CDH26: variants seen among roughly 807,000 people sequenced by gnomAD.
CDH26 encodes cadherin 26.
CDH26 carries 83 observed loss-of-function variants against 90.3 expected under a neutral mutation model. The ratio of observed to expected loss-of-function variants is 0.92; its 90% CI spans 0.77 to 1.10. The LOEUF (loss-of-function observed/expected upper bound fraction) is 1.10. Among genes scored for constraint, CDH26 ranks in the 50% least tolerant of loss-of-function variants. The pLI, the probability that CDH26 is intolerant of heterozygous loss-of-function variation, is 0.00. For missense variants in CDH26, 1,013 were observed against 1,037.6 expected (o/e 0.98, Z 0.33); for synonymous variants, 397 against 396.3 (o/e 1.00, Z -0.02).
intron 9 of CDH26, among the ~76,000 whole-genome samples, chr20:59,989,496 CCGCAG>C: frequency 3.3e-5 from 5 of 149,956 alleles, no homozygotes; most frequent in Admixed American, 6.6e-5. Flanking sequence ...CCACTGCAGT[CCGCAG>C]TCCGGCCTGG....
chr20:59,997,829 GTAAT>G (rs1362173173), intron 13 of CDH26, among the ~76,000 whole-genome samples: 1 of 152,252 alleles, frequency 6.6e-6, no homozygotes, highest in African/African-American at 2.4e-5. Context: ...TGATGCTCCT[GTAAT>G]TAGAGAGTTT....
At chr20:60,001,665 AT>A in intron 15 of CDH26, 1 of 940,050 alleles carries the variant, frequency 1.1e-6, no homozygotes, top group Non-Finnish European at 1.3e-6. Flanking sequence ...TTTTTAGAGC[AT>A]CCACAAATAG....
At chr20:60,019,112 G>A (rs2061932143), downstream of CDH26, among the ~76,000 whole-genome samples, 1 of 152,046 alleles carries the variant, frequency 6.6e-6, no homozygotes, top group Non-Finnish European at 1.5e-5. Context: ...TATGTGACTT[G>A]ATGCTTTTCC....
At chr20:59,991,392 G>C (rs914046969) in intron 9 of CDH26, among the ~76,000 whole-genome samples, 2 of 152,160 alleles carry the variant, frequency 1.3e-5, no homozygotes, top group Non-Finnish European at 2.9e-5. Flanking sequence ...GCATGATCTG[G>C]GTTGGGGGCA....
At chr20:59,984,833 A>T in intron 6 of CDH26, 28 bp downstream of exon 6, 2 of 1,590,890 alleles carry the variant, frequency 1.3e-6, no homozygotes, top group Non-Finnish European at 1.7e-6. Context: ...ATTTTTTTTA[A>T]ATGAAATGTG....
At chr20:60,022,830 C>T (rs1461052168) in intron 7 of CDH26, among the ~76,000 whole-genome samples, 1 of 151,750 alleles carries the variant, frequency 6.6e-6, no homozygotes, top group Non-Finnish European at 1.5e-5. Context: ...GTTCCCAACA[C>T]AAGCATTCTA....
chr20:59,978,456 A>G (rs1206390572), intron 4 of CDH26, among the ~76,000 whole-genome samples: 2 of 151,580 alleles, frequency 1.3e-5, no homozygotes, highest in African/African-American at 4.9e-5. Flanking sequence ...GCTCACTGCA[A>G]CCTCTGCCTC....
chr20:59,961,863 C>T (rs2061079157), intron 1 of CDH26, among the ~76,000 whole-genome samples: 1 of 152,130 alleles, frequency 6.6e-6, no homozygotes, highest in South Asian at 2.1e-4. Flanking sequence ...TGGCAGGCTT[C>T]AAAGACCAGA....
At chr20:59,998,252 T>G (rs1468882587) in intron 13 of CDH26, among the ~76,000 whole-genome samples, 1 of 152,172 alleles carries the variant, frequency 6.6e-6, no homozygotes. Flanking sequence ...CTCAGTCTCC[T>G]CCTTGGAGGG....
At chr20:59,988,162 A>T (rs1033295533) in intron 8 of CDH26, among the ~76,000 whole-genome samples, 1 of 152,204 alleles carries the variant, frequency 6.6e-6, no homozygotes, top group Non-Finnish European at 1.5e-5. Flanking sequence ...TTTACTGATT[A>T]GGAAACCAAA....
rs776875118 is a variant in CDH26, at chr20:59,983,043, A to T, written c.514A>T (p.Ile172Phe). ...APQFPEKEFN[I>F]TVQENQSAGQ... ...CCAGTTTCCAGAGAAGGAATTTAAC[A>T]TCACTGTGCAAGAAAACCAATCTGC... Residue 172 changes from isoleucine (I) to phenylalanine (F), a missense_variant, in exon 5 of 18, where the codon ATC becomes TTC. By Grantham distance (21) the Ile-to-Phe change is conservative. Transcript: ENST00000348616. The T allele has an allele frequency of 1.9e-6, 3 of 1,614,054 alleles. No homozygotes were observed. The highest frequency in any genetic ancestry group is 2.5e-6 in the Non-Finnish European group (3 of 1,179,970).
chr20:59,971,164 A>G (rs1174777047), intron 3 of CDH26, among the ~76,000 whole-genome samples: 1 of 152,172 alleles, frequency 6.6e-6, no homozygotes, highest in Non-Finnish European at 1.5e-5. Flanking sequence ...GCATTCTATG[A>G]TTCTTAGAAG....
At chr20:60,021,855 C>CACACACACACACACACACACACACAT (rs1569068532) in intron 7 of CDH26, among the ~76,000 whole-genome samples, 55 of 58,986 alleles carry the variant, frequency 9.3e-4, no homozygotes, top group Middle Eastern at 7.8e-3. Flanking sequence ...TCTGTACACA[C>CACACACACACACACACACACACACAT]ACACACACAC....
At chr20:60,012,302 G>T (rs2061855134) in intron 17 of CDH26, among the ~76,000 whole-genome samples, 1 of 152,072 alleles carries the variant, frequency 6.6e-6, no homozygotes, top group South Asian at 2.1e-4. Context: ...TACTCCTGGG[G>T]CGGCCACCAC....
intron 7 of CDH26, among the ~76,000 whole-genome samples, chr20:60,027,983 G>A (rs1302489225): frequency 1.3e-5 from 2 of 152,200 alleles, no homozygotes; most frequent in Admixed American, 1.3e-4. Context: ...CCAGACAACT[G>A]GACAGTATCA....
Position 59,966,231 on chromosome 20 carries a change from T to TAAA in CDH26, c.70-2712_70-2710dup, listed in dbSNP as rs60088029. On this transcript the variant is annotated intron_variant, in intron 1 of 17. Transcript: ENST00000348616. ...TCTTTCAAGTAAAATGGTGTTGCATTAAAAAAAAAAAAAAAAAAAAAAAAA... is the reference window on the plus strand; with the variant it reads ...TCTTTCAAGTAAAATGGTGTTGCATTAAAAAAAAAAAAAAAAAAAAAAAAAAAA... 6.5e-3 allele frequency among the ~76,000 whole-genome samples: 492 copies of TAAA among 76,254 alleles called. 7 individuals are homozygous for TAAA. The highest frequency in any genetic ancestry group is 0.016 in the Middle Eastern group (2 of 126). 50.0% of individuals were successfully genotyped at this position (76,254 alleles called of 152,430 possible).
At position 60,012,452 on chromosome 20, in the gene CDH26, G is replaced by A. The variant is rs553031577; in HGVS notation, c.2296-75G>A. 655 of 1,419,680 alleles carry A rather than the reference G, an allele frequency of 4.6e-4. 2 individuals are homozygous for A. Among genetic ancestry groups the A allele is most frequent in the East Asian group, 6.0e-4 (26 of 43,594 alleles). 87.9% of individuals were successfully genotyped at this position (1,419,680 alleles called of 1,614,324 possible). The stretch of plus-strand genomic sequence containing the variant: ...TTACTACTGCATTGATGTGTTCCTC[G>A]AATCAAACCTAGAGAAATGAGCTGG... On this transcript the variant is annotated intron_variant, in intron 17 of 17. Transcript: ENST00000348616.
intron 4 of CDH26, among the ~76,000 whole-genome samples, chr20:59,974,741 C>T (rs942754790): frequency 1.3e-5 from 2 of 152,286 alleles, no homozygotes; most frequent in East Asian, 3.9e-4. Flanking sequence ...CTACAGACTT[C>T]CACAAGGAAA....
At chr20:60,032,347 C>T (rs1359187310) in intron 8 of CDH26, among the ~76,000 whole-genome samples, 1 of 152,128 alleles carries the variant, frequency 6.6e-6, no homozygotes, top group African/African-American at 2.4e-5. Flanking sequence ...AGTCCTGTGA[C>T]CATGATCTAT....
Sources: gnomAD v4.1 joint callset for allele counts (sites outside exome capture counted in the v4.1 genomes callset) on GRCh38, gnomAD v4.1.1 for gene constraint, MANE v1.5 for transcripts, NCBI Gene and HGNC (gene_info 2026-07-23, HGNC 2026-07-21) for gene names.